Variants in SGCZ observed in about 807,000 individuals in gnomAD.
SGCZ encodes zeta-sarcoglycan.
A neutral mutation model predicts 41.3 loss-of-function variants in SGCZ; 40 were observed. The observed-to-expected ratio is 0.97, with a 90% CI of 0.75 to 1.26. The LOEUF (loss-of-function observed/expected upper bound fraction) is 1.26, where lower values mean the gene tolerates loss of function less well. Among genes scored for constraint, SGCZ ranks in the 50% most tolerant of loss-of-function variants. The pLI is 0.00. For synonymous variants in SGCZ, 206 were observed against 137.5 expected (o/e 1.50, Z -3.49); for missense variants, 552 against 369.8 (o/e 1.49, Z -4.04).
At chr8:14,859,477 G>A (rs983579202) in intron 1 of SGCZ, among the ~76,000 whole-genome samples, 1 of 151,978 alleles carries the variant, frequency 6.6e-6, no homozygotes, top group African/African-American at 2.4e-5. Context: ...AGAGTCTCAG[G>A]GACACATTGG....
At position 14,195,855 on chromosome 8, in the gene SGCZ, A is replaced by G. The variant is rs1300123012; in HGVS notation, c.425-31153T>C. Among the ~76,000 whole-genome samples, 8 of 152,170 alleles carry G rather than the reference A, an allele frequency of 5.3e-5. No individual in the cohort carries two copies. The East Asian group carries it at 1.2e-3, about 22-fold the overall frequency. On this transcript the variant is annotated intron_variant, in intron 4 of 7. Transcript: ENST00000382080. ...TGAAAAAGACAATTATAGATGTAGA[A>G]TTACTGAATAAATCATCTCTAGCAA...
At chr8:14,572,447 C>T (rs557341863) in intron 1 of SGCZ, among the ~76,000 whole-genome samples, 213 of 152,222 alleles carry the variant, frequency 1.4e-3, no homozygotes, top group African/African-American at 4.9e-3. Flanking sequence ...TTACCATGTG[C>T]CAGGCACTAA....
chr8:14,702,917 T>TTAGG (rs200366195), intron 1 of SGCZ, among the ~76,000 whole-genome samples: 2,742 of 135,842 alleles, frequency 0.02, 108 homozygotes, highest in African/African-American at 0.069. Context: ...AGGTAGGTAG[T>TTAGG]TAGGTAGGTA....
chr8:14,734,815 T>A (rs1798976809), intron 1 of SGCZ, among the ~76,000 whole-genome samples: 2 of 148,196 alleles, frequency 1.3e-5, no homozygotes, highest in South Asian at 4.3e-4. Flanking sequence ...ACTGTTACAA[T>A]AAAAATTGTA....
At chr8:14,784,935 A>ATATAT (rs1563267388) in intron 1 of SGCZ, among the ~76,000 whole-genome samples, 4 of 68,526 alleles carry the variant, frequency 5.8e-5, no homozygotes, top group African/African-American at 2.0e-4. Flanking sequence ...TATATATATA[A>ATATAT]AATATATATA....
intron 5 of SGCZ, among the ~76,000 whole-genome samples, chr8:14,148,232 T>A (rs7002189): frequency 0.16 from 24,633 of 151,690 alleles, 2,202 homozygotes; most frequent in Middle Eastern, 0.23. Flanking sequence ...TGAATTTTTT[T>A]AAAAAGTACA....
chr8:14,935,049 T>C (rs1349780320), intron 1 of SGCZ, among the ~76,000 whole-genome samples: 1 of 148,490 alleles, frequency 6.7e-6, no homozygotes, highest in African/African-American at 2.5e-5. Flanking sequence ...AGGTGAAAAC[T>C]GAGATGATTT....
At chr8:14,559,018 A>G (rs1238186361) in intron 1 of SGCZ, among the ~76,000 whole-genome samples, 1 of 152,120 alleles carries the variant, frequency 6.6e-6, no homozygotes, top group Non-Finnish European at 1.5e-5. Flanking sequence ...CCCTCAGTCA[A>G]CATAACAGTG....
In SGCZ at chr8:15,072,395, C is replaced by G. The variant is rs538739341; in HGVS notation, c.39+165190G>C. 3.3e-5 allele frequency among the ~76,000 whole-genome samples: 5 copies of G among 152,276 alleles called. No individual in the cohort carries two copies. The South Asian group carries it at 8.3e-4, about 25-fold the overall frequency. On this transcript the variant is annotated intron_variant, in intron 1 of 7. Coordinates refer to ENST00000382080, the MANE Select transcript of SGCZ (RefSeq NM_139167.4). ...CATCAACAAAAAACCCCAGCACATC[C>G]CATCAGATTTCTTTGGAACTCCAAA... is the stretch of plus-strand genomic sequence containing the variant.
intron 4 of SGCZ, among the ~76,000 whole-genome samples, chr8:14,214,287 G>C (rs1014346956): frequency 6.6e-6 from 1 of 152,032 alleles, no homozygotes; most frequent in Non-Finnish European, 1.5e-5. Context: ...CAAAATCAAA[G>C]AAAGTCTGTG....
intron 1 of SGCZ, among the ~76,000 whole-genome samples, chr8:14,904,088 T>C (rs1799051907): frequency 6.6e-6 from 1 of 152,106 alleles, no homozygotes; most frequent in African/African-American, 2.4e-5. Context: ...GTCTTCCTCA[T>C]ACTAGTCGTG....
chr8:14,286,074 G>GTT (rs781017987), intron 3 of SGCZ, among the ~76,000 whole-genome samples: 8 of 150,552 alleles, frequency 5.3e-5, no homozygotes, highest in Non-Finnish European at 1.5e-5. Flanking sequence ...TGCAGTCAAT[G>GTT]TATTTTGTTT....
intron 3 of SGCZ, among the ~76,000 whole-genome samples, chr8:14,245,940 G>T (rs1290365772): frequency 6.6e-6 from 1 of 152,162 alleles, no homozygotes; most frequent in Admixed American, 6.5e-5. Flanking sequence ...TAAAAAGTCA[G>T]GAAGCAACAG....
intron 1 of SGCZ, among the ~76,000 whole-genome samples, chr8:14,705,457 T>C (rs554274966): frequency 1.3e-5 from 2 of 152,094 alleles, no homozygotes; most frequent in African/African-American, 4.8e-5. Flanking sequence ...TCTTGAGTAG[T>C]GATAAAAGGT....
At chr8:15,104,810 T>C (rs980207354) in intron 1 of SGCZ, among the ~76,000 whole-genome samples, 1 of 152,218 alleles carries the variant, frequency 6.6e-6, no homozygotes, top group Middle Eastern at 3.2e-3. Flanking sequence ...TTTTTAACTG[T>C]TACCCATTTA....
At chr8:14,713,492 T>A (rs902571410) in intron 1 of SGCZ, among the ~76,000 whole-genome samples, 2 of 152,112 alleles carry the variant, frequency 1.3e-5, no homozygotes, top group African/African-American at 4.8e-5. Flanking sequence ...AATACTAGGA[T>A]AAAACTGACC....
chr8:15,186,436 A>G (rs1197128013), intron 1 of SGCZ, among the ~76,000 whole-genome samples: 2 of 152,144 alleles, frequency 1.3e-5, no homozygotes, highest in Non-Finnish European at 2.9e-5. Flanking sequence ...TCATAAATGT[A>G]AAAACTGTAA....
At chr8:14,541,230 C>G (rs576236480) in intron 2 of SGCZ, among the ~76,000 whole-genome samples, 1 of 152,004 alleles carries the variant, frequency 6.6e-6, no homozygotes, top group East Asian at 1.9e-4. Flanking sequence ...GTTTGCTGCA[C>G]CTATCAACCC....
intron 1 of SGCZ, among the ~76,000 whole-genome samples, chr8:15,155,710 T>C (rs1222534340): frequency 1.3e-5 from 2 of 152,084 alleles, no homozygotes; most frequent in Admixed American, 6.6e-5. Flanking sequence ...CCATGCAAAA[T>C]TGAATATACA....
Sources: allele counts gnomAD v4.1 joint callset (sites outside exome capture counted in the v4.1 genomes callset), GRCh38; gene constraint gnomAD v4.1.1; transcripts MANE v1.5; gene names NCBI Gene and HGNC (gene_info 2026-07-23, HGNC 2026-07-21).